RBFOX1: variants seen among roughly 807,000 people sequenced by gnomAD.
The protein encoded by RBFOX1 is RNA binding protein fox-1 homolog 1.
In RBFOX1, 8 loss-of-function variants were observed where a neutral mutation model predicts 57.7. That is an observed-to-expected ratio of 0.14 (90% CI 0.08 to 0.25). The LOEUF is 0.25. Among genes scored for constraint, RBFOX1 ranks in the 10% least tolerant of loss-of-function variants. The pLI is 1.00. For missense variants in RBFOX1, 611 were observed against 548.5 expected, an observed-to-expected ratio of 1.11 and a Z score of -1.14; for synonymous variants, 326 against 222.4, an observed-to-expected ratio of 1.47 and a Z score of -4.15.
At chr16:7,142,552 T>C (rs568688183) in intron 4 of RBFOX1, among the ~76,000 whole-genome samples, 1 of 152,320 alleles carries the variant, frequency 6.6e-6, no homozygotes, top group South Asian at 2.1e-4. Context: ...GCCGGCTCTT[T>C]CTTAGCCATT....
chr16:6,688,326 C>T (rs544380193), intron 3 of RBFOX1, among the ~76,000 whole-genome samples: 2 of 152,086 alleles, frequency 1.3e-5, no homozygotes, highest in African/African-American at 2.4e-5. Flanking sequence ...TGGTGCTAAA[C>T]CATTAGAAAC....
intron 4 of RBFOX1, among the ~76,000 whole-genome samples, chr16:7,224,452 G>C (rs1427775240): frequency 1.3e-5 from 2 of 152,150 alleles, no homozygotes; most frequent in African/African-American, 4.8e-5. Flanking sequence ...CACCAGCCCA[G>C]TGCTTCTCAG....
chr16:7,351,718 TA>T (rs1227624536), intron 4 of RBFOX1, among the ~76,000 whole-genome samples: 1 of 152,142 alleles, frequency 6.6e-6, no homozygotes, highest in African/African-American at 2.4e-5. Flanking sequence ...TCCCATGCCC[TA>T]AATACCCATG....
intron 3 of RBFOX1, among the ~76,000 whole-genome samples, chr16:5,660,864 G>A (rs1223891896): frequency 6.6e-6 from 1 of 152,106 alleles, no homozygotes; most frequent in African/African-American, 2.4e-5. Context: ...TTCTGAGCTG[G>A]CTTTCCTATG....
At position 5,768,194 on chromosome 16, in the gene RBFOX1, C is replaced by T. The variant is rs542913468; in HGVS notation, c.319-99109C>T. Among the ~76,000 whole-genome samples, 3 of 152,246 alleles carry T rather than the reference C, an allele frequency of 2.0e-5. No homozygotes were observed. In the South Asian group the frequency reaches 6.2e-4, roughly 32 times the overall value. On this transcript the variant is annotated intron_variant, in intron 3 of 19. Transcript: ENST00000641259. Reference sequence around the variant, plus strand: ...GAGATATATAGGATTTACCTCCATGCCTAGTTTTTGGAGCATGAGAGAAGC... The same window carrying T: ...GAGATATATAGGATTTACCTCCATGTCTAGTTTTTGGAGCATGAGAGAAGC...
At chr16:6,819,685 A>T (rs1280185037) in intron 3 of RBFOX1, among the ~76,000 whole-genome samples, 1 of 142,532 alleles carries the variant, frequency 7.0e-6, no homozygotes, top group African/African-American at 2.6e-5. Flanking sequence ...AGCCTGGGCA[A>T]CAAGAGTGAA....
chr16:7,392,675 A>G (rs973298177), intron 4 of RBFOX1, among the ~76,000 whole-genome samples: 13 of 152,332 alleles, frequency 8.5e-5, no homozygotes, highest in African/African-American at 3.1e-4. Flanking sequence ...CCCAAGTCAT[A>G]GTAGCATAAG....
At chr16:5,681,694 G>A (rs929357177) in intron 3 of RBFOX1, among the ~76,000 whole-genome samples, 11 of 152,038 alleles carry the variant, frequency 7.2e-5, no homozygotes, top group African/African-American at 2.2e-4. Context: ...TGCCCGGCCG[G>A]TAAGATTTTA....
At chr16:6,053,743 C>T (rs2095581105) in intron 1 of RBFOX1, among the ~76,000 whole-genome samples, 1 of 152,144 alleles carries the variant, frequency 6.6e-6, no homozygotes, top group Non-Finnish European at 1.5e-5. Flanking sequence ...CTGTGCCTCA[C>T]TTGTACAATC....
chr16:6,741,923 G>A (rs1056410493), intron 3 of RBFOX1, among the ~76,000 whole-genome samples: 4 of 152,144 alleles, frequency 2.6e-5, no homozygotes, highest in Non-Finnish European at 4.4e-5. Context: ...GTACAACATA[G>A]TGATAGACTG....
chr16:6,058,143 G>C (rs941533230), intron 1 of RBFOX1, among the ~76,000 whole-genome samples: 1 of 152,128 alleles, frequency 6.6e-6, no homozygotes, highest in Non-Finnish European at 1.5e-5. Flanking sequence ...ATGGGGTCGG[G>C]GGTGGAATGG....
intron 1 of RBFOX1, among the ~76,000 whole-genome samples, chr16:6,140,797 C>G (rs1394361369): frequency 6.6e-6 from 1 of 152,174 alleles, no homozygotes; most frequent in Non-Finnish European, 1.5e-5. Context: ...TTTCTTCAAG[C>G]TGTGTTTCCT....
At chr16:5,422,027 A>G (rs1267572577) in intron 1 of RBFOX1, among the ~76,000 whole-genome samples, 1 of 152,222 alleles carries the variant, frequency 6.6e-6, no homozygotes, top group Non-Finnish European at 1.5e-5. Context: ...TTTTCTTTAA[A>G]AGCAATTACG....
intron 2 of RBFOX1, among the ~76,000 whole-genome samples, chr16:6,460,968 A>T (rs2094905697): frequency 6.6e-6 from 1 of 152,174 alleles, no homozygotes; most frequent in Admixed American, 6.5e-5. Flanking sequence ...CATGGATGAA[A>T]CTGGAAGCCA....
intron 2 of RBFOX1, among the ~76,000 whole-genome samples, chr16:6,526,068 C>G (rs1030176031): frequency 9.9e-5 from 15 of 152,108 alleles, no homozygotes; most frequent in Non-Finnish European, 8.8e-5. Context: ...CTTACATGAC[C>G]AGGTTTTCAT....
chr16:7,080,625 G>A lies in RBFOX1; in HGVS notation c.27+28527G>A, dbSNP rs933253786. On this transcript the variant is annotated intron_variant, in intron 4 of 15. Transcript: ENST00000550418. ...CTTTTTTCATGGTCCATGTTCTCTT[G>A]GGGTACACTCACAACTTTATTTTTC... is the stretch of plus-strand genomic sequence containing the variant. Among the ~76,000 whole-genome samples, 4 of 152,022 alleles carry A rather than the reference G, an allele frequency of 2.6e-5. No individual in the cohort carries two copies. In the South Asian group the frequency reaches 6.2e-4, roughly 24 times the overall value.
chr16:7,325,134 C>G (rs2096594745), intron 4 of RBFOX1, among the ~76,000 whole-genome samples: 2 of 152,296 alleles, frequency 1.3e-5, no homozygotes, highest in African/African-American at 2.4e-5. Flanking sequence ...CAACCAGCTG[C>G]TAATTCTGTT....
chr16:6,112,671 A>G (rs2096459253), intron 1 of RBFOX1, among the ~76,000 whole-genome samples: 1 of 152,186 alleles, frequency 6.6e-6, no homozygotes, highest in East Asian at 1.9e-4. Context: ...AGCCTGGGCA[A>G]CAAGAGCAAA....
chr16:5,724,614 C>T (rs1160802657), intron 3 of RBFOX1, among the ~76,000 whole-genome samples: 1 of 152,158 alleles, frequency 6.6e-6, no homozygotes, highest in African/African-American at 2.4e-5. Flanking sequence ...CTAATGCATT[C>T]TGGAGTAAGA....
Sources: gnomAD v4.1 joint callset for allele counts (sites outside exome capture counted in the v4.1 genomes callset) on GRCh38, gnomAD v4.1.1 for gene constraint, MANE v1.5 for transcripts, NCBI Gene and HGNC (gene_info 2026-07-23, HGNC 2026-07-21) for gene names.